Variants in EXT1 observed in about 807,000 individuals in gnomAD.
EXT1 encodes exostosin glycosyltransferase 1, also known as exostosin-1.
Under a neutral mutation model 82.5 loss-of-function variants are expected in EXT1, and 20 were observed. The ratio of observed to expected loss-of-function variants is 0.24; its 90% CI spans 0.17 to 0.35. The LOEUF (loss-of-function observed/expected upper bound fraction) is 0.35, where lower values mean the gene tolerates loss of function less well. Ranked by LOEUF, EXT1 falls within the 10% of genes least tolerant of loss-of-function variation. The pLI is 1.00. For synonymous variants in EXT1, 348 were observed against 350.8 expected, an observed-to-expected ratio of 0.99 and a Z score of 0.09; for missense variants, 757 against 936.5, an observed-to-expected ratio of 0.81 and a Z score of 2.50.
intron 1 of EXT1, among the ~76,000 whole-genome samples, chr8:118,051,040 TATAG>T: frequency 6.6e-6 from 1 of 152,134 alleles, no homozygotes; most frequent in Non-Finnish European, 1.5e-5. Context: ...TACACACAAA[TATAG>T]TGATGTTTTG....
intron 7 of EXT1, among the ~76,000 whole-genome samples, chr8:117,815,934 C>CCAAA (rs765684925): frequency 1.7e-5 from 2 of 116,466 alleles, no homozygotes; most frequent in Non-Finnish European, 3.5e-5. Context: ...AACTCTGCCT[C>CCAAA]AAAAAAAAAA....
Position 117,797,117 on chromosome 8 carries a change from G to T in EXT1, c.*2595C>A, listed in dbSNP as rs1160846134. 1.3e-5 allele frequency: 2 copies of T among 152,302 alleles called. No individual in the cohort carries two copies. Among genetic ancestry groups the T allele is most frequent in the Non-Finnish European group, 1.5e-5 (1 of 68,034 alleles). 9.4% of individuals were successfully genotyped at this position (152,302 alleles called of 1,614,324 possible). ...ATAATTCCTGACACCCTACAGAGAT[G>T]GCTATGATTTGTCAACTTGTTGCAA... On this transcript the variant is annotated 3_prime_UTR_variant, in exon 11 of 11. Transcript: ENST00000378204.
chr8:117,825,058 G>C (rs1811988058), intron 4 of EXT1, among the ~76,000 whole-genome samples: 1 of 151,954 alleles, frequency 6.6e-6, no homozygotes, highest in Non-Finnish European at 1.5e-5. Context: ...TTTTTGTAGA[G>C]ATAAGGTCTC....
rs994190546 is a variant in EXT1 at position 118,013,397 on chromosome 8, C to T, written c.962+96688G>A. On this transcript the variant is annotated intron_variant, in intron 1 of 10. Transcript: ENST00000378204. ...CTAATTTTTGTATTTTTAGTAGAGA[C>T]GGGGTTTTACCATGTTGGCCAGGCT... 6.6e-5 allele frequency among the ~76,000 whole-genome samples: 10 copies of T among 152,220 alleles called. No homozygotes were observed. The East Asian group carries it at 1.7e-3, about 27-fold the overall frequency.
intron 1 of EXT1, among the ~76,000 whole-genome samples, chr8:117,922,925 T>G (rs959292291): frequency 9.9e-5 from 15 of 152,228 alleles, no homozygotes; most frequent in Non-Finnish European, 1.8e-4. Flanking sequence ...TTTCTAATGC[T>G]AGTACTGCCT....
intron 4 of EXT1, among the ~76,000 whole-genome samples, chr8:117,824,103 C>A (rs536498096): frequency 6.8e-6 from 1 of 146,168 alleles, no homozygotes; most frequent in South Asian, 2.1e-4. Context: ...TTAGATCCTC[C>A]TTTTTTTGTT....
At chr8:117,893,448 G>A (rs975092897) in intron 1 of EXT1, among the ~76,000 whole-genome samples, 8 of 152,316 alleles carry the variant, frequency 5.3e-5, no homozygotes, top group Middle Eastern at 6.8e-3. Context: ...AAAGCTTACA[G>A]GGAGAATGGC....
chr8:117,983,802 C>T (rs1016253247), intron 1 of EXT1, among the ~76,000 whole-genome samples: 2 of 152,184 alleles, frequency 1.3e-5, no homozygotes, highest in South Asian at 4.1e-4. Context: ...GCAGAGGCAG[C>T]GTTCTTAGGT....
intron 1 of EXT1, among the ~76,000 whole-genome samples, chr8:117,847,444 G>T (rs17503607): frequency 0.019 from 2,910 of 151,638 alleles, 99 homozygotes; most frequent in African/African-American, 0.068. Context: ...TTTTCTCCCT[G>T]CACGCTGATG....
intron 1 of EXT1, among the ~76,000 whole-genome samples, chr8:118,059,211 C>A (rs925686066): frequency 2.6e-5 from 4 of 152,172 alleles, no homozygotes; most frequent in Non-Finnish European, 5.9e-5. Flanking sequence ...GCCAGCGGCT[C>A]ACGGCAGTAT....
rs184955124 is a variant in EXT1 at position 117,906,225 on chromosome 8, A to T, written c.963-69024T>A. ...TGTTACTTTCACAGCATCTCTCACA[A>T]GGCAAATGCTCAAATTTAATTTTGA... On this transcript the variant is annotated intron_variant, in intron 1 of 10. Coordinates refer to ENST00000378204, the MANE Select transcript of EXT1 (RefSeq NM_000127.3). Among the ~76,000 whole-genome samples, 21 of 152,290 alleles carry T rather than the reference A, an allele frequency of 1.4e-4. No homozygotes were observed. In the East Asian group the frequency reaches 3.9e-3, roughly 28 times the overall value.
At chr8:117,893,319 T>C (rs1370133645) in intron 1 of EXT1, among the ~76,000 whole-genome samples, 2 of 152,168 alleles carry the variant, frequency 1.3e-5, no homozygotes, top group Non-Finnish European at 2.9e-5. Flanking sequence ...TTCCAATCTA[T>C]CAACAGATGA....
At chr8:117,841,590 T>C (rs10103003) in intron 1 of EXT1, among the ~76,000 whole-genome samples, 78,841 of 152,000 alleles carry the variant, frequency 0.52, 20,546 homozygotes, top group East Asian at 0.6. Flanking sequence ...CCAGATAATT[T>C]GCCACTCTAA....
chr8:118,064,207 T>C (rs1488351428), intron 1 of EXT1, among the ~76,000 whole-genome samples: 1 of 152,104 alleles, frequency 6.6e-6, no homozygotes, highest in East Asian at 1.9e-4. Flanking sequence ...TACTTTAAGT[T>C]CTAGGATACA....
chr8:117,808,811 G>A (rs1823273153), intron 8 of EXT1, among the ~76,000 whole-genome samples: 1 of 152,154 alleles, frequency 6.6e-6, no homozygotes. Context: ...GTTTCTGGAT[G>A]AGACTAACAT....
In EXT1 at chr8:117,798,700, C is replaced by T. The variant is rs2129676178; in HGVS notation, c.*1012G>A. ...TGGTGTGAATTTCTACCTTATTACC[C>T]CTTTTTCTTTCTCAAAAGAGAAACT... On this transcript the variant is annotated 3_prime_UTR_variant, in exon 11 of 11. Coordinates refer to ENST00000378204, the MANE Select transcript of EXT1 (RefSeq NM_000127.3). 6.6e-6 allele frequency: 1 copy of T among 152,262 alleles called. No individual in the cohort carries two copies. The highest frequency in any genetic ancestry group is 6.5e-5 in the Admixed American group (1 of 15,306). The allele number at this position is 152,262 out of a possible 1,614,324, so 9.4% of individuals were successfully genotyped here.
chr8:117,938,062 A>G (rs926973298), intron 1 of EXT1, among the ~76,000 whole-genome samples: 4 of 152,184 alleles, frequency 2.6e-5, no homozygotes, highest in Admixed American at 2.0e-4. Context: ...TTCCAAACCC[A>G]ATGCTTCACA....
At chr8:118,019,720 T>TC (rs1816067091) in intron 1 of EXT1, among the ~76,000 whole-genome samples, 1 of 152,242 alleles carries the variant, frequency 6.6e-6, no homozygotes, top group African/African-American at 2.4e-5. Flanking sequence ...ACTCGCTATG[T>TC]ATTAAGTATT....
intron 1 of EXT1, among the ~76,000 whole-genome samples, chr8:117,957,073 T>C (rs1468216842): frequency 1.3e-5 from 2 of 152,242 alleles, no homozygotes; most frequent in Admixed American, 6.5e-5. Flanking sequence ...AAGCAGTTCA[T>C]GGCACGTTCT....
Sources: gnomAD v4.1 joint callset for allele counts (sites outside exome capture counted in the v4.1 genomes callset) on GRCh38, gnomAD v4.1.1 for gene constraint, MANE v1.5 for transcripts, NCBI Gene and HGNC (gene_info 2026-07-23, HGNC 2026-07-21) for gene names.